Variants in GABRA3 observed in about 807,000 individuals in gnomAD.
The protein encoded by GABRA3 is gamma-aminobutyric acid type A receptor subunit alpha3.
GABRA3 carries 10 observed loss-of-function variants against 30.1 expected under a neutral mutation model. That is an observed-to-expected ratio of 0.33 (90% CI 0.20 to 0.56). GABRA3 has a LOEUF of 0.56. Ranked by LOEUF, GABRA3 falls within the 20% of genes least tolerant of loss-of-function variation. The pLI is 0.89. For synonymous variants in GABRA3, 151 were observed against 146.8 expected (o/e 1.03, Z -0.21); for missense variants, 233 against 392.0 (o/e 0.59, Z 3.42).
At chrX:152,287,635 G>C (rs760292488) in intron 3 of GABRA3, among the ~76,000 whole-genome samples, 1 of 111,240 alleles carries the variant, frequency 9.0e-6, no homozygotes, top group Non-Finnish European at 1.9e-5. Flanking sequence ...GCGTAAGAAC[G>C]GATGAATACA....
rs190352845 is a variant in GABRA3 at position 152,294,233 on chromosome X, T to C, written c.263-9498A>G. Among the ~76,000 whole-genome samples, 274 of 111,597 alleles carry C rather than the reference T, an allele frequency of 2.5e-3. 2 individuals are homozygous for C. Among genetic ancestry groups the C allele is most frequent in the Admixed American group, 0.024 (246 of 10,446 alleles). On this transcript the variant is annotated intron_variant, in intron 3 of 9. Coordinates refer to ENST00000370314, the MANE Select transcript of GABRA3 (RefSeq NM_000808.4). ...TCCTGAAGAGTGTTTTCCAACTTGG[T>C]TCCATTCTCCCCATCACTTTCAGGT... is the stretch of plus-strand genomic sequence containing the variant.
chrX:152,429,148 G>A (rs769246592), intron 1 of GABRA3, among the ~76,000 whole-genome samples: 1 of 111,277 alleles, frequency 9.0e-6, no homozygotes, highest in Admixed American at 9.5e-5. Context: ...AAACTGGTAG[G>A]AAATAAATTT....
At chrX:152,231,979 T>C (rs1046157184) in intron 5 of GABRA3, among the ~76,000 whole-genome samples, 1 of 111,360 alleles carries the variant, frequency 9.0e-6, no homozygotes, top group African/African-American at 3.3e-5. Flanking sequence ...GAAAGTACAT[T>C]AGTAGTCGAC....
chrX:152,375,214 C>T (rs115568137), intron 1 of GABRA3, among the ~76,000 whole-genome samples: 1,705 of 111,863 alleles, frequency 0.015, 33 homozygotes, highest in African/African-American at 0.051. Context: ...TCACACTCCC[C>T]GCTTCAAACT....
chrX:152,377,635 T>A (rs1169828263), intron 1 of GABRA3, among the ~76,000 whole-genome samples: 2 of 109,155 alleles, frequency 1.8e-5, no homozygotes, highest in Non-Finnish European at 3.8e-5. Flanking sequence ...AAAAACAACC[T>A]AAGGAAATTT....
intron 7 of GABRA3, among the ~76,000 whole-genome samples, chrX:152,199,965 C>T (rs1937459674): frequency 8.9e-6 from 1 of 111,735 alleles, no homozygotes; most frequent in African/African-American, 3.3e-5. Context: ...TGGTCTAAGC[C>T]ACCATCATGT....
intron 1 of GABRA3, among the ~76,000 whole-genome samples, chrX:152,433,376 A>T (rs910901773): frequency 9.1e-6 from 1 of 110,038 alleles, no homozygotes; most frequent in Non-Finnish European, 1.9e-5. Flanking sequence ...AATGAAAAAA[A>T]TTCAAAAGAA....
At chrX:152,328,711 G>A (rs2124472127) in intron 3 of GABRA3, among the ~76,000 whole-genome samples, 1 of 111,266 alleles carries the variant, frequency 9.0e-6, no homozygotes, top group South Asian at 3.8e-4. Flanking sequence ...AAAATAATAA[G>A]AGCTATTTAT....
chrX:152,254,961 A>C (rs1343899991), intron 5 of GABRA3, among the ~76,000 whole-genome samples: 1 of 112,063 alleles, frequency 8.9e-6, no homozygotes, highest in African/African-American at 3.2e-5. Flanking sequence ...ATCTTATTGC[A>C]CTGAAAATTT....
chrX:152,403,544 G>A (rs1331070097), intron 1 of GABRA3, among the ~76,000 whole-genome samples: 3 of 84,985 alleles, frequency 3.5e-5, no homozygotes, highest in African/African-American at 1.1e-4. Flanking sequence ...GCTTGTGTGT[G>A]TGCACACGTG....
At chrX:152,248,201 A>G in intron 5 of GABRA3, among the ~76,000 whole-genome samples, 1 of 108,991 alleles carries the variant, frequency 9.2e-6, no homozygotes, top group East Asian at 2.9e-4. Context: ...CAGGGATTTC[A>G]ATTTAAAAAA....
At chrX:152,208,631 TCCTCACAAATGGCTTG>T (rs1937601046) in intron 6 of GABRA3, among the ~76,000 whole-genome samples, 1 of 108,244 alleles carries the variant, frequency 9.2e-6, no homozygotes, top group African/African-American at 3.5e-5. Flanking sequence ...GGAGGCAGAT[TCCTCACAAATGGCTTG>T]GTGACACCCC....
chrX:152,331,226 C>T (rs1940161323), intron 3 of GABRA3, among the ~76,000 whole-genome samples: 1 of 107,600 alleles, frequency 9.3e-6, no homozygotes. Flanking sequence ...AAAACTGGCA[C>T]CATGAATTCA....
intron 3 of GABRA3, among the ~76,000 whole-genome samples, chrX:152,296,737 T>C (rs1939535829): frequency 9.2e-6 from 1 of 108,544 alleles, no homozygotes; most frequent in Non-Finnish European, 1.9e-5. Context: ...TCTCACACAG[T>C]TGCCCAGGCT....
chrX:152,426,409 G>A (rs1218019219), intron 1 of GABRA3, among the ~76,000 whole-genome samples: 2 of 111,863 alleles, frequency 1.8e-5, no homozygotes, highest in African/African-American at 6.5e-5. Context: ...TTCATAAGAA[G>A]CACTCTTACA....
At chrX:152,209,429 C>T (rs766059268) in intron 6 of GABRA3, among the ~76,000 whole-genome samples, 58 of 111,252 alleles carry the variant, frequency 5.2e-4, no homozygotes, top group South Asian at 3.1e-3. Context: ...GGAAGCTGAC[C>T]GCATACTGTA....
At chrX:152,258,964 G>T (rs1021338510) in intron 4 of GABRA3, among the ~76,000 whole-genome samples, 4 of 111,780 alleles carry the variant, frequency 3.6e-5, no homozygotes, top group Non-Finnish European at 7.5e-5. Context: ...CACTGAAAGA[G>T]TTACAGAAGA....
chrX:152,322,929 T>C (rs1204438520), intron 3 of GABRA3, among the ~76,000 whole-genome samples: 2 of 93,432 alleles, frequency 2.1e-5, no homozygotes, highest in Non-Finnish European at 4.1e-5. Flanking sequence ...CTCGGCTCAC[T>C]GCAACCTCCG....
intron 5 of GABRA3, among the ~76,000 whole-genome samples, chrX:152,249,051 T>C (rs1340729875): frequency 9.0e-6 from 1 of 111,484 alleles, no homozygotes; most frequent in African/African-American, 3.3e-5. Context: ...TCATCTGTCA[T>C]GCACAAATCC....
Sources: gnomAD v4.1 joint callset for allele counts (sites outside exome capture counted in the v4.1 genomes callset) on GRCh38, gnomAD v4.1.1 for gene constraint, MANE v1.5 for transcripts, NCBI Gene and HGNC (gene_info 2026-07-23, HGNC 2026-07-21) for gene names.